Variants in XPO1 observed in about 807,000 individuals in gnomAD.
XPO1 encodes the protein exportin 1, also known as exportin-1.
In XPO1, 5 loss-of-function variants were observed where a neutral mutation model predicts 133.3. The ratio of observed to expected loss-of-function variants is 0.04; its 90% CI spans 0.02 to 0.08. The LOEUF (loss-of-function observed/expected upper bound fraction) is 0.08, where lower values mean the gene tolerates loss of function less well. Among genes scored for constraint, XPO1 ranks in the 10% least tolerant of loss-of-function variants. The pLI is 1.00. For missense variants in XPO1, 506 were observed against 1,267.5 expected (o/e 0.40, Z 9.12); for synonymous variants, 419 against 408.2 (o/e 1.03, Z -0.32).
chr2:61,490,532 G>A (rs1696930117), intron 17 of XPO1, 110 bp downstream of exon 17: 3 of 1,438,678 alleles, frequency 2.1e-6, no homozygotes, highest in East Asian at 2.3e-5. Context: ...ACACATAAAA[G>A]CACTTATGGA....
At chr2:61,479,300 A>G (rs1402057413) in intron 24 of XPO1, among the ~76,000 whole-genome samples, 2 of 152,078 alleles carry the variant, frequency 1.3e-5, no homozygotes, top group Non-Finnish European at 2.9e-5. Flanking sequence ...CATTACTAAA[A>G]TTAGCCATGC....
rs1290743603 is a variant in XPO1, at chr2:61,498,885, G to C, written c.619C>G (p.Gln207Glu). ...SMCNEFSQIF[Q>E]LCQFVMENSQ... ...CTTACCATTACAAACTGACACAGTTGAAATATCTGTGAGAATTCATTGCAC... is the reference window on the plus strand; with the variant it reads ...CTTACCATTACAAACTGACACAGTTCAAATATCTGTGAGAATTCATTGCAC... Residue 207 changes from glutamine (Q) to glutamate (E), a missense_variant, in exon 8 of 25, where the codon CAA becomes GAA. Physicochemically the swap from Gln to Glu is conservative, Grantham distance 29. Transcript: ENST00000401558. 1.3e-6 allele frequency: 2 copies of C among 1,595,374 alleles called. No homozygotes were observed. The highest frequency in any genetic ancestry group is 8.5e-7 in the Non-Finnish European group (1 of 1,171,922).
intron 24 of XPO1, among the ~76,000 whole-genome samples, chr2:61,479,829 C>G (rs1483910111): frequency 6.6e-6 from 1 of 152,134 alleles, no homozygotes; most frequent in Non-Finnish European, 1.5e-5. Context: ...TCCCAAAGTG[C>G]TAGGATTACA....
rs986639965 is a variant in XPO1, at chr2:61,481,332, C to CAT, written c.2973-52_2973-51insAT. ...ATAATGATTTATTTTTCCCCCGAGA[C>CAT]AGAGTATTGCTCTGTCACCAGGCTG... On this transcript the variant is annotated intron_variant, in intron 23 of 24. Coordinates refer to ENST00000401558, the MANE Select transcript of XPO1 (RefSeq NM_003400.4). The CAT allele has an allele frequency of 2.8e-6, 4 of 1,420,438 alleles. No individual in the cohort carries two copies. In the African/African-American group the frequency reaches 5.7e-5, roughly 20 times the overall value. The allele number at this position is 1,420,438 out of a possible 1,614,324, so 88.0% of individuals were successfully genotyped here. A position where few individuals can be genotyped will look rare whatever the true frequency, so the allele number is the denominator to read the frequency against.
intron 3 of XPO1, chr2:61,526,169 T>G (rs1698898123): frequency 3.9e-6 from 5 of 1,289,328 alleles, no homozygotes; most frequent in Non-Finnish European, 4.9e-6. Flanking sequence ...ATACATATAC[T>G]AAAAAGAAAA....
rs1279240763 is a variant in XPO1, at chr2:61,527,337, AG to A, written c.127-817del. ...ATGACTCTCCAAAAAAAAAAAAAAAAGAAAGCTGCACATGGTGGCTTGCACC... is the reference window on the plus strand; with the variant it reads ...ATGACTCTCCAAAAAAAAAAAAAAAAAAAGCTGCACATGGTGGCTTGCACC... On this transcript the variant is annotated intron_variant, in intron 2 of 24. Coordinates refer to ENST00000401558, the MANE Select transcript of XPO1 (RefSeq NM_003400.4). Among the ~76,000 whole-genome samples the A allele has an allele frequency of 6.5e-4, 98 of 149,730 alleles. 16 individuals carry two copies. The highest frequency in any genetic ancestry group is 7.6e-4 in the African/African-American group (31 of 40,820).
intron 6 of XPO1, among the ~76,000 whole-genome samples, chr2:61,500,836 G>A (rs1281686220): frequency 6.6e-6 from 1 of 152,016 alleles, no homozygotes; most frequent in Non-Finnish European, 1.5e-5. Flanking sequence ...GAGACTCAAG[G>A]ATTTAATTAA....
chr2:61,536,467 C>G (rs992364996), intron 1 of XPO1: 1 of 152,240 alleles, frequency 6.6e-6, no homozygotes, highest in Non-Finnish European at 1.5e-5. Context: ...TAATGTGACT[C>G]TACAAGTGAC....
chr2:61,482,033 C>CTTTTTTTTTTTTTTTTTTTTTTTTTT lies in XPO1; in HGVS notation c.2972+346_2972+347insAAAAAAAAAAAAAAAAAAAAAAAAAA, dbSNP rs1491506588. 6.7e-4 allele frequency among the ~76,000 whole-genome samples: 58 copies of CTTTTTTTTTTTTTTTTTTTTTTTTTT among 86,834 alleles called. 13 individuals are homozygous for CTTTTTTTTTTTTTTTTTTTTTTTTTT. Among genetic ancestry groups the CTTTTTTTTTTTTTTTTTTTTTTTTTT allele is most frequent in the Non-Finnish European group, 9.7e-4 (39 of 40,036 alleles). The allele number at this position is 86,834 out of a possible 152,430, so 57.0% of individuals were successfully genotyped here. A position where few individuals can be genotyped will look rare whatever the true frequency, so the allele number is the denominator to read the frequency against. ...TACAGTCATGAGCCACCGTGCGTGG[C>CTTTTTTTTTTTTTTTTTTTTTTTTTT]CTTTTTTTTTTTTTTTTTTTTTTTG... On this transcript the variant is annotated intron_variant, in intron 23 of 24. Transcript: ENST00000401558.
chr2:61,511,551 A>G (rs1321238795), intron 4 of XPO1, among the ~76,000 whole-genome samples: 3 of 152,110 alleles, frequency 2.0e-5, no homozygotes, highest in Non-Finnish European at 2.9e-5. Flanking sequence ...GGCTGAAACT[A>G]CAGGGGCACT....
At chr2:61,516,068 G>C (rs1698372748) in intron 4 of XPO1, among the ~76,000 whole-genome samples, 1 of 151,528 alleles carries the variant, frequency 6.6e-6, no homozygotes, top group African/African-American at 2.4e-5. Flanking sequence ...TGAGCATCCA[G>C]TGACCCAAGA....
chr2:61,533,073 G>A (rs1699228813), intron 2 of XPO1, among the ~76,000 whole-genome samples: 1 of 151,934 alleles, frequency 6.6e-6, no homozygotes, highest in African/African-American at 2.4e-5. Context: ...CAGCTACCAG[G>A]GAGGCTGAGG....
chr2:61,493,169 G>A (rs981138428), intron 12 of XPO1, 116 bp from the exon 13 acceptor site: 2 of 1,053,248 alleles, frequency 1.9e-6, no homozygotes, highest in Admixed American at 2.8e-5. Flanking sequence ...GCCATGTGTA[G>A]GGATTCATGC....
At chr2:61,532,471 A>G (rs1020080437) in intron 2 of XPO1, among the ~76,000 whole-genome samples, 6 of 152,076 alleles carry the variant, frequency 3.9e-5, no homozygotes, top group Admixed American at 3.9e-4. Context: ...TCTTGACAAT[A>G]TAAGTAACCT....
intron 2 of XPO1, among the ~76,000 whole-genome samples, chr2:61,527,825 T>C (rs1698971514): frequency 6.6e-6 from 1 of 152,166 alleles, no homozygotes; most frequent in African/African-American, 2.4e-5. Flanking sequence ...GTCATCATCT[T>C]GTGCTTGTAT....
chr2:61,514,892 T>C (rs1698290161), intron 4 of XPO1, among the ~76,000 whole-genome samples: 1 of 151,926 alleles, frequency 6.6e-6, no homozygotes, highest in South Asian at 2.1e-4. Context: ...CAGGCCAATA[T>C]GGCGAAACTC....
chr2:61,521,263 A>T (rs147360838), intron 4 of XPO1, among the ~76,000 whole-genome samples: 115 of 152,334 alleles, frequency 7.5e-4, no homozygotes, highest in African/African-American at 2.6e-3. Flanking sequence ...TCAAGGTTTA[A>T]GTCAGATTAG....
chr2:61,483,842 A>G, intron 21 of XPO1, 95 bp downstream of exon 21: 1 of 1,414,808 alleles, frequency 7.1e-7, no homozygotes, highest in South Asian at 1.2e-5. Flanking sequence ...CACACACTCA[A>G]AACTCTGAAC....
intron 24 of XPO1, chr2:61,480,249 A>G (rs1696275759): frequency 2.7e-5 from 4 of 148,194 alleles, no homozygotes; most frequent in Admixed American, 6.7e-5. Context: ...GTTTAGTTAT[A>G]TTATCATTGA....
Sources: gnomAD v4.1 joint callset for allele counts (sites outside exome capture counted in the v4.1 genomes callset) on GRCh38, gnomAD v4.1.1 for gene constraint, MANE v1.5 for transcripts, NCBI Gene and HGNC (gene_info 2026-07-23, HGNC 2026-07-21) for gene names.